Variants in STARD13 observed in about 807,000 individuals in gnomAD.
STARD13 encodes stAR-related lipid transfer protein 13.
STARD13 carries 62 observed loss-of-function variants against 106.4 expected under a neutral mutation model. The ratio of observed to expected loss-of-function variants is 0.58; its 90% confidence interval spans 0.48 to 0.72. The LOEUF (loss-of-function observed/expected upper bound fraction) is 0.72, where lower values mean the gene tolerates loss of function less well. STARD13 is among the 30% of genes least tolerant of loss of function. The pLI is 0.00. For missense variants in STARD13, 1,387 were observed against 1,424.0 expected (o/e 0.97, Z 0.42); for synonymous variants, 565 against 553.0 (o/e 1.02, Z -0.31).
chr13:33,363,868 C>T, the STARD13 span, among the ~76,000 whole-genome samples: 5 of 152,186 alleles, frequency 3.3e-5, no homozygotes, highest in Non-Finnish European at 5.9e-5. Flanking sequence ...AAAACTGGGG[C>T]TGCAGAGTGG....
At chr13:33,284,047 A>G (rs1333791691) in intron 1 of STARD13, among the ~76,000 whole-genome samples, 1 of 152,190 alleles carries the variant, frequency 6.6e-6, no homozygotes, top group Admixed American at 6.5e-5. Context: ...GAAAGGCACC[A>G]TTGTCAGAAA....
At chr13:33,571,323 T>G in the STARD13 span, among the ~76,000 whole-genome samples, 324 of 152,276 alleles carry the variant, frequency 2.1e-3, 1 homozygote, top group African/African-American at 7.4e-3. Context: ...TAAACAAAGG[T>G]CTTTCAATCC....
chr13:33,390,471 C>T, the STARD13 span, among the ~76,000 whole-genome samples: 12 of 152,162 alleles, frequency 7.9e-5, no homozygotes, highest in African/African-American at 2.2e-4. Flanking sequence ...TGTTTTGCAG[C>T]GCAAGCTTTA....
intron 1 of STARD13, chr13:33,180,457 T>G (rs1224994574): frequency 6.6e-6 from 1 of 152,224 alleles, no homozygotes; most frequent in African/African-American, 2.4e-5. Flanking sequence ...GTATCAGACA[T>G]GTGGGCTTCA....
At chr13:33,569,083 A>C in the STARD13 span, among the ~76,000 whole-genome samples, 8 of 148,200 alleles carry the variant, frequency 5.4e-5, no homozygotes, top group African/African-American at 2.0e-4. Context: ...GAGTTTACTT[A>C]AGCTTATGTC....
At chr13:33,186,258 G>C (rs1405267472) in intron 1 of STARD13, among the ~76,000 whole-genome samples, 1 of 152,174 alleles carries the variant, frequency 6.6e-6, no homozygotes, top group East Asian at 1.9e-4. Context: ...GTTTGGAATA[G>C]AAAGAACCAC....
the STARD13 span, among the ~76,000 whole-genome samples, chr13:33,594,766 A>G: frequency 6.6e-6 from 1 of 152,214 alleles, no homozygotes; most frequent in African/African-American, 2.4e-5. Flanking sequence ...AGAATTATGC[A>G]GAACTTGTCC....
chr13:33,152,124 A>G (rs1881362761), intron 3 of STARD13, among the ~76,000 whole-genome samples: 1 of 152,248 alleles, frequency 6.6e-6, no homozygotes, highest in Admixed American at 6.5e-5. Flanking sequence ...CAGAAGATAC[A>G]TAATAATTAA....
chr13:33,519,266 TTC>T, the STARD13 span, among the ~76,000 whole-genome samples: 1 of 148,994 alleles, frequency 6.7e-6, no homozygotes, highest in African/African-American at 2.5e-5. Flanking sequence ...CTTTCTTTCT[TTC>T]TTTCTTTTCT....
downstream of STARD13, among the ~76,000 whole-genome samples, chr13:33,347,355 C>A (rs981425704): frequency 2.0e-5 from 3 of 152,210 alleles, no homozygotes; most frequent in African/African-American, 7.2e-5. Flanking sequence ...CATGCCTCAG[C>A]CTCCCATGTA....
rs897995454 is a variant in STARD13 at position 33,306,179 on chromosome 13, T to A, written c.124+44111A>T. ...GATCCCAGAAATAAGACCGCACATC[T>A]ACAACCATATGATCTTCAACAAAGC... On this transcript the variant is annotated intron_variant, in intron 1 of 5. Transcript: ENST00000567873. Among the ~76,000 whole-genome samples the A allele has an allele frequency of 3.3e-5, 5 of 152,280 alleles. No homozygotes were observed. The East Asian group carries it at 9.6e-4, about 29-fold the overall frequency.
chr13:33,298,368 C>T (rs940674221), intron 1 of STARD13, among the ~76,000 whole-genome samples: 18 of 151,024 alleles, frequency 1.2e-4, no homozygotes, highest in African/African-American at 4.4e-4. Flanking sequence ...AACTCCTGAC[C>T]TCAAATGATC....
the STARD13 span, among the ~76,000 whole-genome samples, chr13:33,649,063 G>C: frequency 6.6e-6 from 1 of 152,014 alleles, no homozygotes. Flanking sequence ...AAAGTGCTGG[G>C]ATTACAGGCA....
the STARD13 span, among the ~76,000 whole-genome samples, chr13:33,456,433 G>GC: frequency 2.6e-5 from 4 of 152,008 alleles, no homozygotes; most frequent in Non-Finnish European, 5.9e-5. Context: ...CAAGAGATCT[G>GC]CCCCCCTCAG....
chr13:33,205,427 C>T (rs12716668), intron 1 of STARD13, among the ~76,000 whole-genome samples: 45,509 of 151,988 alleles, frequency 0.3, 7,050 homozygotes, highest in Admixed American at 0.38. Context: ...CTGCCAACCT[C>T]GTCAATCTGA....
chr13:33,187,028 C>T (rs542357479), intron 1 of STARD13, among the ~76,000 whole-genome samples: 1 of 152,234 alleles, frequency 6.6e-6, no homozygotes, highest in African/African-American at 2.4e-5. Flanking sequence ...GCCCTGATCA[C>T]TCTCCCATCT....
At chr13:33,547,290 T>C in the STARD13 span, among the ~76,000 whole-genome samples, 1 of 152,244 alleles carries the variant, frequency 6.6e-6, no homozygotes, top group African/African-American at 2.4e-5. Context: ...TGAAATTTGA[T>C]CCCTTTAAGC....
At chr13:33,519,212 CTTTCTTTCTT>C in the STARD13 span, among the ~76,000 whole-genome samples, 516 of 66,450 alleles carry the variant, frequency 7.8e-3, 4 homozygotes, top group South Asian at 0.02. Context: ...GTAATTTTTT[CTTTCTTTCTT>C]TCTTTCTTTC....
the STARD13 span, among the ~76,000 whole-genome samples, chr13:33,671,899 TC>T: frequency 6.6e-6 from 1 of 152,192 alleles, no homozygotes; most frequent in Non-Finnish European, 1.5e-5. Flanking sequence ...CCTTAGCTTG[TC>T]CCTTTTACAC....
Sources: allele counts gnomAD v4.1 joint callset (sites outside exome capture counted in the v4.1 genomes callset), GRCh38; gene constraint gnomAD v4.1.1; transcripts MANE v1.5; gene names NCBI Gene and HGNC (gene_info 2026-07-23, HGNC 2026-07-21).